The following TAT variants were observed in gnomAD, a reference collection of about 807,000 sequenced individuals.
TAT encodes L-tyrosine:2-oxoglutarate aminotransferase.
Under a neutral mutation model 53.6 loss-of-function variants are expected in TAT, and 35 were observed. That is an observed-to-expected ratio of 0.65 (90% confidence interval 0.50 to 0.87). The LOEUF (loss-of-function observed/expected upper bound fraction) is 0.87. Among genes scored for constraint, TAT ranks in the 40% least tolerant of loss-of-function variants. The pLI is 0.00. For synonymous variants in TAT, 197 were observed against 206.5 expected (o/e 0.95, Z 0.39); for missense variants, 525 against 571.8 (o/e 0.92, Z 0.83).
chr16:71,574,260 A>G (rs894780320), intron 3 of TAT, among the ~76,000 whole-genome samples: 29 of 152,198 alleles, frequency 1.9e-4, no homozygotes, highest in Non-Finnish European at 2.9e-5. Flanking sequence ...ATTATTCCCA[A>G]ATCTTTTTTA....
Position 71,570,396 on chromosome 16 carries a change from A to T in TAT, c.914T>A (p.Ile305Asn), listed in dbSNP as rs1257637185. ...ACTCAGCTTCACCAGCCCATCTCGGATCTAAAAGACACCCACAAGAAACAT... is the reference window on the plus strand; with the variant it reads ...ACTCAGCTTCACCAGCCCATCTCGGTTCTAAAAGACACCCACAAGAAACAT... The part of the protein sequence containing the change: ...HDRRDIFGNE[I>N]RDGLVKLSQR... The change falls in exon 9 of 12, where the codon ATC (isoleucine) becomes AAC (asparagine). Residue 305 changes from isoleucine (I) to asparagine (N), a missense_variant and splice_region_variant. Coordinates refer to ENST00000355962, the MANE Select transcript of TAT (RefSeq NM_000353.3). 1.2e-6 allele frequency: 2 copies of T among 1,614,044 alleles called. No individual in the cohort carries two copies. The highest frequency in any genetic ancestry group is 1.7e-6 in the Non-Finnish European group (2 of 1,180,048).
rs370850249 is a variant in TAT at position 71,576,347 on chromosome 16, G to A, written c.69C>T (p.Asn23=). 8.0e-5 allele frequency: 129 copies of A among 1,614,104 alleles called. No homozygotes were observed. Among genetic ancestry groups the A allele is most frequent in the South Asian group, 4.4e-4 (40 of 91,080 alleles). ...CCGGCACAGAGCTTCTCCCACCAAC[G>A]TTGACATGCACGTCCAGAATTGAGG... ...NLPSILDVHV[N]VGGRSSVPGK... The change falls in exon 2 of 12, where the codon AAC becomes AAT. Residue 23 remains asparagine, a synonymous_variant. Transcript: ENST00000355962.
In TAT at chr16:71,567,325, C is replaced by T. The variant is rs1219162185; in HGVS notation, c.*819G>A. 6.6e-6 allele frequency: 1 copy of T among 152,390 alleles called. No homozygotes were observed. The highest frequency in any genetic ancestry group is 1.9e-4 in the East Asian group (1 of 5,204). 9.4% of individuals were successfully genotyped at this position (152,390 alleles called of 1,614,324 possible). A position where few individuals can be genotyped will look rare whatever the true frequency, so the allele number is the denominator to read the frequency against. On this transcript the variant is annotated 3_prime_UTR_variant, in exon 12 of 12. Transcript: ENST00000355962. ...TTGGGAGGTTGAGGCAAGAGAATCG[C>T]TTGAACCCAGGAGGTGGAGGTTGCA...
At chr16:71,573,436 C>G (rs1037015013) in intron 4 of TAT, 103 bp downstream of exon 4, 2 of 1,093,536 alleles carry the variant, frequency 1.8e-6, no homozygotes, top group African/African-American at 3.1e-5. Flanking sequence ...TTGTTCTCAG[C>G]TTTTCCCCCT....
rs1401035465 is a variant in TAT, at chr16:71,573,591, C to T, written c.356G>A (p.Arg119Gln). Residue 119 changes from arginine to glutamine, a missense_variant, in exon 4 of 12, where the codon CGG becomes CAG. Coordinates refer to ENST00000355962, the MANE Select transcript of TAT (RefSeq NM_000353.3). ...GTGGTAATAAGAAGCAATCTCCTCC[C>T]GACTGGATAGGAAGCCTGAAAGAAA... is the stretch of plus-strand genomic sequence containing the variant. ...YAPSIGFLSSREEIASYYHCP... is the reference protein window; with the variant it reads ...YAPSIGFLSSQEEIASYYHCP... 7.7e-6 allele frequency: 12 copies of T among 1,554,188 alleles called. No homozygotes were observed. Among genetic ancestry groups the T allele is most frequent in the Middle Eastern group, 1.7e-4 (1 of 5,990 alleles).
intron 8 of TAT, 115 bp downstream of exon 8, chr16:71,570,564 A>T: frequency 6.4e-7 from 1 of 1,572,850 alleles, no homozygotes; most frequent in East Asian, 2.3e-5. Flanking sequence ...TCTGCCACAC[A>T]CATGCTGCTT....
rs762556200 is a variant in TAT, at chr16:71,575,798, A to G, written c.340+124T>C. The G allele has an allele frequency of 4.7e-4, 506 of 1,068,724 alleles. 3 individuals are homozygous for G. The highest frequency in any genetic ancestry group is 2.7e-4 in the Middle Eastern group (1 of 3,658). 66.2% of individuals were successfully genotyped at this position (1,068,724 alleles called of 1,614,324 possible). ...GTTCCCAAATCCAAAGGACCATGTA[A>G]TCTTAGCCTCTCCTTAGGAATTGTG... On this transcript the variant is annotated intron_variant, in intron 3 of 11. Transcript: ENST00000355962.
In TAT at chr16:71,566,146, TTATC is replaced by T. The variant is rs1362875164; in HGVS notation, c.*1994_*1997del. 1 of 152,212 alleles carries T rather than the reference TTATC, an allele frequency of 6.6e-6. No homozygotes were observed. The highest frequency in any genetic ancestry group is 2.4e-5 in the African/African-American group (1 of 41,462). The allele number at this position is 152,212 out of a possible 1,614,324, so 9.4% of individuals were successfully genotyped here. On this transcript the variant is annotated 3_prime_UTR_variant, in exon 12 of 12. Transcript: ENST00000355962. ...GGTGGCATACGGGAAACTGAAATCT[TTATC>T]TAATCTCATCCTTTGTATATTCGTC...
chr16:71,568,271 G>T lies in TAT; in HGVS notation c.1238C>A (p.Pro413Gln). The T allele has an allele frequency of 6.2e-7, 1 of 1,614,084 alleles. No homozygotes were observed. The highest frequency in any genetic ancestry group is 8.5e-7 in the Non-Finnish European group (1 of 1,180,022). Residue 413 changes from proline (P) to glutamine (Q), a missense_variant, in exon 12 of 12, where the codon CCG becomes CAG. Transcript: ENST00000355962. ...TGTGATGACCACTCGGATGAAATTC[G>T]GGTACTCAAAGCACTGCAAAAAGAA... ...HCLPATCFEY[P>Q]NFIRVVITVP...
intron 10 of TAT, 60 bp downstream of exon 10, chr16:71,569,793 GA>G: frequency 1.3e-6 from 2 of 1,519,822 alleles, no homozygotes; most frequent in Non-Finnish European, 1.8e-6. Flanking sequence ...CAATTCTGCT[GA>G]ATGACTGCCC....
chr16:71,574,300 G>T (rs556218845), intron 3 of TAT, among the ~76,000 whole-genome samples: 3 of 152,006 alleles, frequency 2.0e-5, no homozygotes, highest in Admixed American at 2.0e-4. Flanking sequence ...AGTTGTAATC[G>T]CCAGGCGCGG....
Position 71,573,623 on chromosome 16 carries a change from G to C in TAT, c.341-17C>G. 6.4e-7 allele frequency: 1 copy of C among 1,551,252 alleles called. No homozygotes were observed. Among genetic ancestry groups the C allele is most frequent in the South Asian group, 1.2e-5 (1 of 84,034 alleles). ...ATAGGAAGCCTGAAAGAAAAGAGTG[G>C]AAAGTGGAGCTTTTTTGGTTTTTAG... On this transcript the variant is annotated splice_polypyrimidine_tract_variant and intron_variant, in intron 3 of 11. Coordinates refer to ENST00000355962, the MANE Select transcript of TAT (RefSeq NM_000353.3).
rs1299735223 is a variant in TAT at position 71,566,241 on chromosome 16, G to C, written c.*1903C>G. ...GAGCTCACTGAACTCAAATTGAAAG[G>C]GAACATATGCTGTTTATTTTTGTGA... On this transcript the variant is annotated 3_prime_UTR_variant, in exon 12 of 12. Transcript: ENST00000355962. 1 of 150,524 alleles carries C rather than the reference G, an allele frequency of 6.6e-6. No homozygotes were observed. Among genetic ancestry groups the C allele is most frequent in the Non-Finnish European group, 1.5e-5 (1 of 68,010 alleles). 9.3% of individuals were successfully genotyped at this position (150,524 alleles called of 1,614,324 possible).
rs2044173058 is a variant in TAT, at chr16:71,567,620, A to G, written c.*524T>C. 1 of 156,510 alleles carries G rather than the reference A, an allele frequency of 6.4e-6. No individual in the cohort carries two copies. Among genetic ancestry groups the G allele is most frequent in the Non-Finnish European group, 1.4e-5 (1 of 70,752 alleles). 9.7% of individuals were successfully genotyped at this position (156,510 alleles called of 1,614,324 possible). A position where few individuals can be genotyped will look rare whatever the true frequency, so the allele number is the denominator to read the frequency against. On this transcript the variant is annotated 3_prime_UTR_variant, in exon 12 of 12. Transcript: ENST00000355962. ...CTTTTCCTAATGTGTTTAAAATGTA[A>G]TCACCAAATACATGTGTCCCCAACT...
chr16:71,572,746 G>C, intron 4 of TAT, 58 bp from the exon 5 acceptor site: 1 of 1,603,360 alleles, frequency 6.2e-7, no homozygotes, highest in Non-Finnish European at 8.5e-7. Context: ...CAGGAGAAAA[G>C]AAGTTGTCAG....
At chr16:71,570,491 T>G (rs1284761599) in intron 8 of TAT, 94 bp from the exon 9 acceptor site, 2 of 1,606,542 alleles carry the variant, frequency 1.2e-6, no homozygotes, top group East Asian at 4.5e-5. Context: ...AGGTTTTTAA[T>G]CTTGGAAAGT....
intron 1 of TAT, 110 bp from the exon 2 acceptor site, chr16:71,576,537 ACT>A (rs1182525305): frequency 4.4e-6 from 4 of 904,416 alleles, no homozygotes; most frequent in South Asian, 1.4e-5. Flanking sequence ...GTCTTTCCAA[ACT>A]CTCTCTTTAT....
chr16:71,570,884 C>T (rs2044198780), intron 7 of TAT, 53 bp from the exon 8 acceptor site: 1 of 1,592,608 alleles, frequency 6.3e-7, no homozygotes, highest in Non-Finnish European at 8.6e-7. Flanking sequence ...TCACTGCAAT[C>T]CCAGATCCCG....
intron 11 of TAT, 104 bp from the exon 12 acceptor site, chr16:71,568,388 A>T (rs2044178787): frequency 8.7e-7 from 1 of 1,143,494 alleles, no homozygotes; most frequent in South Asian, 1.3e-5. Flanking sequence ...CCATTTCATC[A>T]GGGCCATCAG....
Sources: gnomAD v4.1 joint callset for allele counts (sites outside exome capture counted in the v4.1 genomes callset) on GRCh38, gnomAD v4.1.1 for gene constraint, MANE v1.5 for transcripts, NCBI Gene and HGNC (gene_info 2026-07-23, HGNC 2026-07-21) for gene names.